Variants in NAA50 observed in about 807,000 individuals in gnomAD.
The protein encoded by NAA50 is N-alpha-acetyltransferase 50, NatE catalytic subunit, also known as N-alpha-acetyltransferase 50.
Under a neutral mutation model 20.7 loss-of-function variants are expected in NAA50, and 7 were observed. The ratio of observed to expected loss-of-function variants is 0.34; its 90% CI spans 0.19 to 0.63. NAA50 has a LOEUF of 0.63. NAA50 is among the 30% of genes least tolerant of loss of function. The pLI is 0.75. For missense variants in NAA50, 111 were observed against 199.1 expected (o/e 0.56, Z 2.66); for synonymous variants, 54 against 70.6 (o/e 0.77, Z 1.18).
In NAA50 at chr3:113,725,488, A is replaced by C. The variant is rs369194715; in HGVS notation, c.9-1393T>G. On this transcript the variant is annotated intron_variant, in intron 1 of 4. Coordinates refer to ENST00000240922, the MANE Select transcript of NAA50 (RefSeq NM_025146.4). ...AAAACAAAAACAGAAACAAAAAAAA[A>C]CAGCTGGGCATGAAGGCCTGTAATC... 7.3e-4 allele frequency among the ~76,000 whole-genome samples: 111 copies of C among 152,312 alleles called. No individual in the cohort carries two copies. The South Asian group carries it at 0.022, about 30-fold the overall frequency.
rs991255964 is a variant in NAA50, at chr3:113,719,263, T to C, written c.*2497A>G. The C allele has an allele frequency of 2.6e-5, 4 of 152,602 alleles. No homozygotes were observed. Among genetic ancestry groups the C allele is most frequent in the Non-Finnish European group, 4.4e-5 (3 of 68,000 alleles). 9.5% of individuals were successfully genotyped at this position (152,602 alleles called of 1,614,324 possible). ...AAAGCTAATCTGGACAAACTATATA[T>C]TGCATAGATTTCTCTACAGATTCTT... On this transcript the variant is annotated 3_prime_UTR_variant, in exon 5 of 5. Transcript: ENST00000240922.
At chr3:113,741,287 C>G (rs1320095642) in intron 1 of NAA50, 2 of 369,366 alleles carry the variant, frequency 5.4e-6, no homozygotes, top group Non-Finnish European at 1.1e-5. Flanking sequence ...TGCCACAGAC[C>G]ACAAGGTACA....
intron 1 of NAA50, among the ~76,000 whole-genome samples, chr3:113,732,435 C>A (rs781227053): frequency 6.6e-6 from 1 of 152,146 alleles, no homozygotes; most frequent in Non-Finnish European, 1.5e-5. Flanking sequence ...AAAATTACCA[C>A]AAACTCAGTG....
intron 1 of NAA50, among the ~76,000 whole-genome samples, chr3:113,730,143 T>C (rs1469212467): frequency 1.3e-5 from 2 of 151,870 alleles, no homozygotes; most frequent in African/African-American, 4.8e-5. Context: ...CTACTAAAAA[T>C]ACAAAAAATT....
intron 1 of NAA50, among the ~76,000 whole-genome samples, chr3:113,743,676 T>C (rs191646544): frequency 1.3e-5 from 2 of 152,328 alleles, no homozygotes; most frequent in African/African-American, 4.8e-5. Context: ...TGTGAAATCA[T>C]CTTAAAGGTT....
chr3:113,734,497 C>T (rs1238766550), intron 1 of NAA50, among the ~76,000 whole-genome samples: 1 of 152,140 alleles, frequency 6.6e-6, no homozygotes, highest in Non-Finnish European at 1.5e-5. Context: ...AAATAAAATA[C>T]AAACATTACT....
At chr3:113,724,353 C>T (rs1020959173) in intron 1 of NAA50, among the ~76,000 whole-genome samples, 2 of 152,188 alleles carry the variant, frequency 1.3e-5, no homozygotes, top group African/African-American at 4.8e-5. Flanking sequence ...GAATAACATT[C>T]TGCAAGTGTC....
At chr3:113,745,487 C>G (rs1205265095) in intron 1 of NAA50, among the ~76,000 whole-genome samples, 1 of 152,202 alleles carries the variant, frequency 6.6e-6, no homozygotes, top group Non-Finnish European at 1.5e-5. Flanking sequence ...CCAGAAGGTT[C>G]TGCACAGCTC....
chr3:113,745,997 G>T lies in NAA50; in HGVS notation c.-48C>A. On this transcript the variant is annotated 5_prime_UTR_variant, in exon 1 of 5. Transcript: ENST00000240922. ...CGTTACCACCGATATCAACGCCGTCGTAGTCGCCGCCCTTAGGTCTCCGCA... is the reference window on the plus strand; with the variant it reads ...CGTTACCACCGATATCAACGCCGTCTTAGTCGCCGCCCTTAGGTCTCCGCA... 1 of 1,604,706 alleles carries T rather than the reference G, an allele frequency of 6.2e-7. No individual in the cohort carries two copies.
At chr3:113,745,603 G>T in intron 1 of NAA50, 1 of 337,906 alleles carries the variant, frequency 3.0e-6, no homozygotes, top group Non-Finnish European at 5.4e-6. Flanking sequence ...GGCCGGCGTG[G>T]CTCAGCGGTC....
At chr3:113,727,686 CAAT>C (rs1333343407) in intron 1 of NAA50, among the ~76,000 whole-genome samples, 2 of 151,060 alleles carry the variant, frequency 1.3e-5, no homozygotes, top group Non-Finnish European at 2.9e-5. Context: ...AAATATCCTG[CAAT>C]AATATGGCCA....
intron 1 of NAA50, among the ~76,000 whole-genome samples, chr3:113,725,435 A>C (rs1203457654): frequency 6.6e-6 from 1 of 152,212 alleles, no homozygotes; most frequent in African/African-American, 2.4e-5. Flanking sequence ...TGTATTTTGA[A>C]ATGTTAAAAT....
rs962431296 is a variant in NAA50 at position 113,720,067 on chromosome 3, C to T, written c.*1693G>A. The T allele has an allele frequency of 1.3e-5, 2 of 152,604 alleles. No individual in the cohort carries two copies. Among genetic ancestry groups the T allele is most frequent in the African/African-American group, 4.8e-5 (2 of 41,452 alleles). 9.5% of individuals were successfully genotyped at this position (152,604 alleles called of 1,614,324 possible). ...CCAAAAAACCAGCAAGGTCTTTCTACATTTTTACCATCTTAAGATTAGAAC... is the reference window on the plus strand; with the variant it reads ...CCAAAAAACCAGCAAGGTCTTTCTATATTTTTACCATCTTAAGATTAGAAC... On this transcript the variant is annotated 3_prime_UTR_variant, in exon 5 of 5. Coordinates refer to ENST00000240922, the MANE Select transcript of NAA50 (RefSeq NM_025146.4).
chr3:113,746,231 T>A lies in NAA50; in HGVS notation c.-282A>T. The A allele has an allele frequency of 2.5e-6, 1 of 393,892 alleles. No homozygotes were observed. Among genetic ancestry groups the A allele is most frequent in the Non-Finnish European group, 4.6e-6 (1 of 219,288 alleles). 24.4% of individuals were successfully genotyped at this position (393,892 alleles called of 1,614,324 possible). ...CGCCGCTGCCGCCAGCCAGACCCGC[T>A]GCCGCGCTGTGACCTTTCACCCCGC... On this transcript the variant is annotated 5_prime_UTR_variant, in exon 1 of 5. Transcript: ENST00000240922.
chr3:113,723,212 G>A (rs1708158519), intron 3 of NAA50, among the ~76,000 whole-genome samples: 1 of 152,082 alleles, frequency 6.6e-6, no homozygotes, highest in Admixed American at 6.6e-5. Context: ...AACAGAAAAA[G>A]CAGAAGGGGA....
At chr3:113,745,015 TAAC>T (rs1708470173) in intron 1 of NAA50, among the ~76,000 whole-genome samples, 1 of 152,242 alleles carries the variant, frequency 6.6e-6, no homozygotes, top group Non-Finnish European at 1.5e-5. Context: ...GAGAGCTTTT[TAAC>T]GTTTATGAGC....
chr3:113,743,242 AG>A (rs1419601104), intron 1 of NAA50, among the ~76,000 whole-genome samples: 1 of 152,262 alleles, frequency 6.6e-6, no homozygotes, highest in Non-Finnish European at 1.5e-5. Flanking sequence ...TAGGCAACAT[AG>A]GCAACAGTGT....
At chr3:113,737,887 A>T (rs2603791) in intron 1 of NAA50, among the ~76,000 whole-genome samples, 3,706 of 152,174 alleles carry the variant, frequency 0.024, 112 homozygotes, top group South Asian at 0.07. Flanking sequence ...GCAGTTACTG[A>T]TCTAGAGGTT....
intron 1 of NAA50, among the ~76,000 whole-genome samples, chr3:113,738,268 T>C (rs533885969): frequency 6.6e-6 from 1 of 152,376 alleles, no homozygotes; most frequent in African/African-American, 2.4e-5. Context: ...TGCCAGCTTA[T>C]GGCTTTTCTT....
Sources: allele counts gnomAD v4.1 joint callset (sites outside exome capture counted in the v4.1 genomes callset), GRCh38; gene constraint gnomAD v4.1.1; transcripts MANE v1.5; gene names NCBI Gene and HGNC (gene_info 2026-07-23, HGNC 2026-07-21).